The following MREG variants were observed in gnomAD, a reference collection of about 807,000 sequenced individuals.
MREG encodes the protein dilute suppressor protein homolog.
MREG carries 31 observed loss-of-function variants against 28.5 expected under a neutral mutation model. The observed-to-expected ratio is 1.09, with a 90% confidence interval of 0.82 to 1.47. The LOEUF (loss-of-function observed/expected upper bound fraction) is 1.47, where lower values mean the gene tolerates loss of function less well. Among genes scored for constraint, MREG ranks in the 40% most tolerant of loss-of-function variants. MREG has a pLI of 0.00. For synonymous variants in MREG, 106 were observed against 95.2 expected, an observed-to-expected ratio of 1.11 and a Z score of -0.66; for missense variants, 256 against 257.4, an observed-to-expected ratio of 0.99 and a Z score of 0.04.
At chr2:216,017,323 T>G (rs774948780), upstream of MREG, among the ~76,000 whole-genome samples, 1 of 152,214 alleles carries the variant, frequency 6.6e-6, no homozygotes, top group Non-Finnish European at 1.5e-5. Context: ...TAGGGATTTT[T>G]AGATCAGTTT....
At chr2:215,940,851 G>C (rs748112925), downstream of MREG, among the ~76,000 whole-genome samples, 3 of 152,126 alleles carry the variant, frequency 2.0e-5, no homozygotes, top group Non-Finnish European at 4.4e-5. Flanking sequence ...TTGTGTGTGT[G>C]CGCGCGTGTG....
intron 2 of MREG, among the ~76,000 whole-genome samples, chr2:215,966,487 G>T (rs920544240): frequency 6.6e-6 from 1 of 152,076 alleles, no homozygotes; most frequent in South Asian, 2.1e-4. Flanking sequence ...AAACAAACCT[G>T]GTCACACTGA....
chr2:215,984,364 G>A (rs1693508450), intron 2 of MREG, among the ~76,000 whole-genome samples: 1 of 151,860 alleles, frequency 6.6e-6, no homozygotes, highest in African/African-American at 2.4e-5. Context: ...AACCAAAAAT[G>A]TAAGAGCAGC....
At chr2:216,031,501 AAGAG>A (rs1169736049) in intron 1 of MREG, among the ~76,000 whole-genome samples, 1 of 130,644 alleles carries the variant, frequency 7.7e-6, no homozygotes. Context: ...AAGAGAAAGA[AAGAG>A]AGAAAGGAAG....
At chr2:215,956,246 A>G (rs80299571) in intron 2 of MREG, among the ~76,000 whole-genome samples, 4,166 of 152,334 alleles carry the variant, frequency 0.027, 71 homozygotes, top group Non-Finnish European at 0.043. Context: ...AATCTACCCA[A>G]AATGTGGCAT....
At chr2:215,996,921 C>T (rs1693890067) in intron 1 of MREG, among the ~76,000 whole-genome samples, 1 of 152,120 alleles carries the variant, frequency 6.6e-6, no homozygotes, top group African/African-American at 2.4e-5. Flanking sequence ...CCTGGGATTA[C>T]AGGCGCCTGC....
At chr2:216,027,339 C>G (rs1264165562) in intron 1 of MREG, among the ~76,000 whole-genome samples, 1 of 152,194 alleles carries the variant, frequency 6.6e-6, no homozygotes, top group Non-Finnish European at 1.5e-5. Context: ...CACCATTACC[C>G]AGTAGAGTTC....
At chr2:215,950,013 C>G (rs1452614150) in intron 2 of MREG, among the ~76,000 whole-genome samples, 1 of 152,214 alleles carries the variant, frequency 6.6e-6, no homozygotes, top group African/African-American at 2.4e-5. Context: ...TGTGCTTATT[C>G]TCAGTGAAAA....
intron 1 of MREG, among the ~76,000 whole-genome samples, chr2:216,000,450 G>A (rs1693987917): frequency 6.6e-6 from 1 of 151,980 alleles, no homozygotes; most frequent in Admixed American, 6.6e-5. Flanking sequence ...GAGTCACCCA[G>A]ACCTGGCACA....
At chr2:215,940,308 T>C (rs1692183019), downstream of MREG, among the ~76,000 whole-genome samples, 1 of 152,222 alleles carries the variant, frequency 6.6e-6, no homozygotes, top group Non-Finnish European at 1.5e-5. Context: ...GTAGTTGTGA[T>C]TTAGAAGTTA....
intron 1 of MREG, among the ~76,000 whole-genome samples, chr2:216,018,994 A>G (rs1352115589): frequency 6.6e-6 from 1 of 152,234 alleles, no homozygotes; most frequent in Non-Finnish European, 1.5e-5. Context: ...AAAGTTGGAA[A>G]ACAGCTGGAG....
chr2:215,945,832 G>A (rs369900178), intron 3 of MREG, 98 bp from the exon 4 acceptor site: 22 of 1,036,510 alleles, frequency 2.1e-5, no homozygotes, highest in African/African-American at 1.4e-4. Context: ...GACCCATGTG[G>A]ATTCTGTACA....
rs189900801 is a variant in MREG at position 215,967,636 on chromosome 2, G to A, written c.256-20523C>T. 2.7e-3 allele frequency among the ~76,000 whole-genome samples: 410 copies of A among 152,260 alleles called. 1 individual carries two copies. The highest frequency in any genetic ancestry group is 9.2e-3 in the African/African-American group (383 of 41,534). On this transcript the variant is annotated intron_variant, in intron 2 of 4. Transcript: ENST00000263268. ...AAATTAAATCCACACAGTCATTTGCGCCAAGCCTACTGAGCACCAAGTGGC... is the reference window on the plus strand; with the variant it reads ...AAATTAAATCCACACAGTCATTTGCACCAAGCCTACTGAGCACCAAGTGGC...
intron 2 of MREG, among the ~76,000 whole-genome samples, chr2:215,971,097 G>A (rs1232810404): frequency 5.9e-5 from 9 of 152,008 alleles, no homozygotes; most frequent in Non-Finnish European, 8.8e-5. Flanking sequence ...GAGAATACAC[G>A]AACATGGGGG....
intron 2 of MREG, among the ~76,000 whole-genome samples, chr2:215,976,590 T>C (rs909009527): frequency 2.6e-5 from 4 of 152,142 alleles, no homozygotes; most frequent in Non-Finnish European, 2.9e-5. Flanking sequence ...TGGTGTGGTA[T>C]AGGTAACGTA....
chr2:216,028,427 C>T (rs904750393), intron 1 of MREG, among the ~76,000 whole-genome samples: 6 of 147,432 alleles, frequency 4.1e-5, no homozygotes, highest in Non-Finnish European at 8.9e-5. Flanking sequence ...ACTCGGGAGG[C>T]GGAGGCAGGA....
chr2:215,990,503 C>A (rs757115092), intron 2 of MREG, among the ~76,000 whole-genome samples: 5 of 152,136 alleles, frequency 3.3e-5, no homozygotes, highest in Admixed American at 1.3e-4. Context: ...GGAAAAATAA[C>A]CAGCTAGCAT....
intron 2 of MREG, among the ~76,000 whole-genome samples, chr2:215,947,987 C>A (rs535224510): frequency 6.6e-6 from 1 of 152,232 alleles, no homozygotes; most frequent in East Asian, 1.9e-4. Context: ...ATAGAGTATA[C>A]CTTTTACTGT....
At chr2:216,026,525 T>A (rs1694596794) in intron 1 of MREG, among the ~76,000 whole-genome samples, 1 of 152,116 alleles carries the variant, frequency 6.6e-6, no homozygotes, top group Admixed American at 6.5e-5. Flanking sequence ...CATGCCCAGC[T>A]AATTTTTTTA....
Sources: gnomAD v4.1 joint callset for allele counts (sites outside exome capture counted in the v4.1 genomes callset) on GRCh38, gnomAD v4.1.1 for gene constraint, MANE v1.5 for transcripts, NCBI Gene and HGNC (gene_info 2026-07-23, HGNC 2026-07-21) for gene names.